The following POLR1F variants were observed in gnomAD, a reference collection of about 807,000 sequenced individuals.
POLR1F encodes the protein DNA-directed RNA polymerase I subunit RPA43.
A neutral mutation model predicts 21.8 loss-of-function variants in POLR1F; 23 were observed. That is an observed-to-expected ratio of 1.05 (90% CI 0.76 to 1.49). The LOEUF (loss-of-function observed/expected upper bound fraction) is 1.49, where lower values mean the gene tolerates loss of function less well. Among genes scored for constraint, POLR1F ranks in the 40% most tolerant of loss-of-function variants. The pLI, the probability that POLR1F is intolerant of heterozygous loss-of-function variation, is 0.00. For synonymous variants in POLR1F, 162 were observed against 152.8 expected, an observed-to-expected ratio of 1.06 and a Z score of -0.45; for missense variants, 435 against 412.1, an observed-to-expected ratio of 1.06 and a Z score of -0.48.
At chr7:19,704,620 G>A (rs1332641568) in intron 2 of POLR1F, among the ~76,000 whole-genome samples, 159 bp downstream of exon 2, 1 of 151,910 alleles carries the variant, frequency 6.6e-6, no homozygotes, top group Non-Finnish European at 1.5e-5. Context: ...ACTTACCTAC[G>A]TTTGAATGAT....
rs2128007684 is a variant in POLR1F at position 19,708,923 on chromosome 7, G to A, written c.94C>T (p.Pro32Ser). ...QAGVLPCLEL[P>S]TYAAACALVN... is the part of the protein sequence containing the mutation. The stretch of plus-strand genomic sequence containing the variant: ...AGCGCACAAGCAGCGGCATAAGTCG[G>A]CAACTCTAGGCAAGGCAGGACGCCA... Residue 32 changes from proline (P) to serine (S), a missense_variant, in exon 1 of 4, where the codon CCG becomes TCG. Coordinates refer to ENST00000222567, the MANE Select transcript of POLR1F (RefSeq NM_001002926.2). 1 of 1,613,768 alleles carries A rather than the reference G, an allele frequency of 6.2e-7. No individual in the cohort carries two copies. The highest frequency in any genetic ancestry group is 8.5e-7 in the Non-Finnish European group (1 of 1,179,906).
Position 19,695,788 on chromosome 7 carries a change from A to G in POLR1F, c.*2528T>C, listed in dbSNP as rs1259403896. 1 of 152,156 alleles carries G rather than the reference A, an allele frequency of 6.6e-6. No individual in the cohort carries two copies. Among genetic ancestry groups the G allele is most frequent in the Non-Finnish European group, 1.5e-5 (1 of 67,982 alleles). 9.4% of individuals were successfully genotyped at this position (152,156 alleles called of 1,614,324 possible). On this transcript the variant is annotated 3_prime_UTR_variant, in exon 4 of 4. Coordinates refer to ENST00000222567, the MANE Select transcript of POLR1F (RefSeq NM_001002926.2). ...GGTCTTTTACATTAGATAACTTCTTAGTCCTCTGTCAGGTTCTCCACCTGG... is the reference window on the plus strand; with the variant it reads ...GGTCTTTTACATTAGATAACTTCTTGGTCCTCTGTCAGGTTCTCCACCTGG...
At chr7:19,703,266 C>A (rs1415413898) in intron 2 of POLR1F, among the ~76,000 whole-genome samples, 4 of 151,906 alleles carry the variant, frequency 2.6e-5, no homozygotes, top group African/African-American at 7.3e-5. Flanking sequence ...ATAAGCAAAA[C>A]CAACTTATGA....
Position 19,698,544 on chromosome 7 carries a change from A to T in POLR1F, c.789T>A (p.Asn263Lys), listed in dbSNP as rs1562595021. Residue 263 changes from asparagine (N) to lysine (K), a missense_variant, in exon 4 of 4, where the codon AAT (asparagine) becomes AAA (lysine). By Grantham distance (94) the Asn-to-Lys change is moderately conservative. Coordinates refer to ENST00000222567, the MANE Select transcript of POLR1F (RefSeq NM_001002926.2). ...DTPMEESALQNTNNANGIWEE... is the reference protein window; with the variant it reads ...DTPMEESALQKTNNANGIWEE... ...CCCAGATGCCATTCGCATTATTAGT[A>T]TTCTGCAGGGCTGACTCTTCCATTG... 1.2e-6 allele frequency: 2 copies of T among 1,609,022 alleles called. No individual in the cohort carries two copies. The highest frequency in any genetic ancestry group is 1.7e-4 in the Middle Eastern group (1 of 6,032).
At chr7:19,707,801 T>A (rs1444115691) in intron 1 of POLR1F, among the ~76,000 whole-genome samples, 1 of 152,212 alleles carries the variant, frequency 6.6e-6, no homozygotes, top group Non-Finnish European at 1.5e-5. Flanking sequence ...GTGTTCGGTA[T>A]GTAATATAAA....
chr7:19,700,108 C>T lies in POLR1F; in HGVS notation c.569G>A (p.Gly190Glu). The T allele has an allele frequency of 6.2e-7, 1 of 1,613,852 alleles. No homozygotes were observed. The highest frequency in any genetic ancestry group is 8.5e-7 in the Non-Finnish European group (1 of 1,179,798). ...TAGTTTTCCCCGAATGCAGAATACT[C>T]CAGCAGCATCTGAGTCTAAACGAAA... ...EVFRLDSDAA[G>E]VFCIRGKLNI... is the part of the protein sequence containing the mutation. The change falls in exon 3 of 4, where the codon GGA becomes GAA. Residue 190 changes from glycine to glutamate, a missense_variant. By Grantham distance (98) the Gly-to-Glu change is moderately conservative. Transcript: ENST00000222567.
At position 19,696,122 on chromosome 7, in the gene POLR1F, A is replaced by C. The variant is rs1783360016; in HGVS notation, c.*2194T>G. On this transcript the variant is annotated 3_prime_UTR_variant, in exon 4 of 4. Transcript: ENST00000222567. ...GCAAATTCCAAGATAGAAAAGATAG[A>C]CTAGGTTAGTGCAGCATGTGCCAAA... is the stretch of plus-strand genomic sequence containing the variant. 6.6e-6 allele frequency: 1 copy of C among 152,110 alleles called. No homozygotes were observed. The highest frequency in any genetic ancestry group is 1.5e-5 in the Non-Finnish European group (1 of 67,960). The allele number at this position is 152,110 out of a possible 1,614,324, so 9.4% of individuals were successfully genotyped here. A position where few individuals can be genotyped will look rare whatever the true frequency, so the allele number is the denominator to read the frequency against.
chr7:19,706,463 G>C (rs532396353), intron 1 of POLR1F, among the ~76,000 whole-genome samples: 5 of 152,164 alleles, frequency 3.3e-5, no homozygotes, highest in African/African-American at 1.2e-4. Context: ...GGTGGAAGGG[G>C]GGACATGTGG....
At chr7:19,705,818 A>C (rs1413800148) in intron 1 of POLR1F, among the ~76,000 whole-genome samples, 2 of 152,190 alleles carry the variant, frequency 1.3e-5, no homozygotes, top group African/African-American at 4.8e-5. Context: ...ACTGCACTCC[A>C]GCCTGAGCGA....
In POLR1F at chr7:19,698,333, TC is replaced by T; in HGVS notation, c.999del (p.Ser335ValfsTer8). The T allele has an allele frequency of 6.4e-7, 1 of 1,565,470 alleles. No individual in the cohort carries two copies. Among genetic ancestry groups the T allele is most frequent in the South Asian group, 1.2e-5 (1 of 81,722 alleles). ...AAAATACACTAAAGAAAATTACTTT[TC>T]CCTTTTCTTTTTGGTGAGCATTTCA... ...PPLKCSPKRKGKSNFL is the reference protein window; with the variant it reads ...PPLKCSPKRKXKSNFL On this transcript the variant is annotated frameshift_variant, in exon 4 of 4. Transcript: ENST00000222567. LOFTEE classifies it high-confidence loss of function.
intron 1 of POLR1F, among the ~76,000 whole-genome samples, chr7:19,708,368 C>T (rs1041762429): frequency 6.6e-6 from 1 of 152,168 alleles, no homozygotes. Context: ...TCAAGCACTG[C>T]AAACCAGATT....
chr7:19,700,384 A>T, intron 2 of POLR1F, 104 bp from the exon 3 acceptor site: 1 of 832,612 alleles, frequency 1.2e-6, no homozygotes, highest in South Asian at 1.6e-5. Context: ...AAGAACAAAC[A>T]TCAAATTAAT....
chr7:19,704,265 G>A (rs1349861662), intron 2 of POLR1F, among the ~76,000 whole-genome samples: 1 of 152,154 alleles, frequency 6.6e-6, no homozygotes, highest in African/African-American at 2.4e-5. Context: ...AGTAAAAAAG[G>A]ATCTATTTCA....
Position 19,698,255 on chromosome 7 carries a change from C to CAT in POLR1F, c.*59_*60dup. On this transcript the variant is annotated 3_prime_UTR_variant, in exon 4 of 4. Coordinates refer to ENST00000222567, the MANE Select transcript of POLR1F (RefSeq NM_001002926.2). ...CTTAACCTTTTCATATCACTGAAAA[C>CAT]ATTTATTCATCTATTGTATGTAGAT... 1 of 1,402,590 alleles carries CAT rather than the reference C, an allele frequency of 7.1e-7. No homozygotes were observed. The highest frequency in any genetic ancestry group is 9.4e-7 in the Non-Finnish European group (1 of 1,066,290). 86.9% of individuals were successfully genotyped at this position (1,402,590 alleles called of 1,614,324 possible).
intron 3 of POLR1F, among the ~76,000 whole-genome samples, chr7:19,699,426 C>G (rs1783421273): frequency 6.6e-6 from 1 of 152,262 alleles, no homozygotes; most frequent in South Asian, 2.1e-4. Context: ...AATAGTGAGG[C>G]TGCTGTACTA....
rs1783347543 is a variant in POLR1F, at chr7:19,695,498, A to T, written c.*2818T>A. ...CTGTGCTTTTTATTTATCAATTTAA[A>T]ATTATCTGTTGATGCTTTCATTATA... On this transcript the variant is annotated 3_prime_UTR_variant, in exon 4 of 4. Transcript: ENST00000222567. 1 of 152,042 alleles carries T rather than the reference A, an allele frequency of 6.6e-6. No individual in the cohort carries two copies. The highest frequency in any genetic ancestry group is 2.4e-5 in the African/African-American group (1 of 41,418). The allele number at this position is 152,042 out of a possible 1,614,324, so 9.4% of individuals were successfully genotyped here.
chr7:19,705,009 G>T, intron 1 of POLR1F, 89 bp from the exon 2 acceptor site: 1 of 1,369,322 alleles, frequency 7.3e-7, no homozygotes, highest in Non-Finnish European at 9.8e-7. Flanking sequence ...TGTCACCCAG[G>T]ATAGGGTGCA....
In POLR1F at chr7:19,708,924, C is replaced by T; in HGVS notation, c.93G>A (p.Leu31=). Residue 31 remains leucine, a synonymous_variant, in exon 1 of 4, where the codon TTG becomes TTA. Coordinates refer to ENST00000222567, the MANE Select transcript of POLR1F (RefSeq NM_001002926.2). The part of the protein sequence containing the change: ...GQAGVLPCLE[L]PTYAAACALV... ...GCGCACAAGCAGCGGCATAAGTCGG[C>T]AACTCTAGGCAAGGCAGGACGCCAG... 6.2e-7 allele frequency: 1 copy of T among 1,613,800 alleles called. No individual in the cohort carries two copies. Among genetic ancestry groups the T allele is most frequent in the Non-Finnish European group, 8.5e-7 (1 of 1,179,908 alleles).
At chr7:19,701,924 T>G (rs1425746146) in intron 2 of POLR1F, among the ~76,000 whole-genome samples, 1 of 151,944 alleles carries the variant, frequency 6.6e-6, no homozygotes, top group Admixed American at 6.6e-5. Flanking sequence ...TCTCTCGGTG[T>G]GTAGGCAGTC....
Sources: gnomAD v4.1 joint callset for allele counts (sites outside exome capture counted in the v4.1 genomes callset) on GRCh38, gnomAD v4.1.1 for gene constraint, MANE v1.5 for transcripts, NCBI Gene and HGNC (gene_info 2026-07-23, HGNC 2026-07-21) for gene names.